Variants in CLASP1 observed in about 807,000 individuals in gnomAD.
CLASP1 encodes the protein CLIP-associating protein 1.
CLASP1 carries 38 observed loss-of-function variants against 192.3 expected under a neutral mutation model. The observed-to-expected ratio is 0.20, with a 90% confidence interval of 0.15 to 0.26. CLASP1 has a LOEUF of 0.26. Ranked by LOEUF, CLASP1 falls within the 10% of genes least tolerant of loss-of-function variation. CLASP1 has a pLI of 1.00. For synonymous variants in CLASP1, 691 were observed against 712.8 expected (o/e 0.97, Z 0.49); for missense variants, 1,433 against 1,932.5 (o/e 0.74, Z 4.85).
chr2:121,494,788 A>G (rs2093459774), intron 8 of CLASP1, among the ~76,000 whole-genome samples: 1 of 152,154 alleles, frequency 6.6e-6, no homozygotes, highest in Non-Finnish European at 1.5e-5. Flanking sequence ...TGGGAGGCCG[A>G]GGTGAGCGAA....
intron 6 of CLASP1, among the ~76,000 whole-genome samples, chr2:121,523,718 G>C (rs1217277603): frequency 1.3e-5 from 2 of 152,194 alleles, no homozygotes; most frequent in Admixed American, 6.5e-5. Flanking sequence ...AGGACAATGA[G>C]GCATTTCCTT....
In CLASP1 at chr2:121,386,082, A is replaced by C. The variant is rs1039940415; in HGVS notation, c.3374+1040T>G. On this transcript the variant is annotated intron_variant, in intron 32 of 39. Coordinates refer to ENST00000263710, the Ensembl canonical transcript of CLASP1. ...ACCAAGAGGAAAACACAAATTTCTT[A>C]TGTTCCAAAGTATTTAAAGGATATG... 2.0e-5 allele frequency among the ~76,000 whole-genome samples: 3 copies of C among 152,208 alleles called. No homozygotes were observed. In the East Asian group the frequency reaches 5.8e-4, roughly 29 times the overall value.
intron 30 of CLASP1, among the ~76,000 whole-genome samples, chr2:121,389,448 C>T (rs1381674525): frequency 6.7e-6 from 1 of 150,342 alleles, no homozygotes; most frequent in Non-Finnish European, 1.5e-5. Flanking sequence ...TGCAAAGTAA[C>T]CTGCATATTT....
intron 1 of CLASP1, among the ~76,000 whole-genome samples, chr2:121,644,612 G>A (rs2072795475): frequency 1.3e-5 from 2 of 152,122 alleles, no homozygotes; most frequent in African/African-American, 2.4e-5. Flanking sequence ...CTGACATCAC[G>A]CCACTGCACT....
intron 14 of CLASP1, 144 bp from the exon 15 acceptor site, chr2:121,451,993 G>T: frequency 1.5e-6 from 1 of 664,652 alleles, no homozygotes; most frequent in Non-Finnish European, 2.6e-6. Context: ...AGAACATAAA[G>T]AATGAATCAG....
chr2:121,430,805 G>C (rs896395920), intron 19 of CLASP1, among the ~76,000 whole-genome samples: 2 of 152,036 alleles, frequency 1.3e-5, no homozygotes, highest in Admixed American at 6.6e-5. Flanking sequence ...CAGCTAAAAA[G>C]AATCAGTATT....
chr2:121,595,888 A>T (rs1373293616), intron 2 of CLASP1, among the ~76,000 whole-genome samples: 1 of 152,248 alleles, frequency 6.6e-6, no homozygotes, highest in Non-Finnish European at 1.5e-5. Flanking sequence ...CACATGCTAC[A>T]TATTAAAAGC....
chr2:121,407,795 T>A, intron 24 of CLASP1, 80 bp from the exon 26 acceptor site: 1 of 1,502,192 alleles, frequency 6.7e-7, no homozygotes, highest in Non-Finnish European at 9.3e-7. Context: ...CCAAACAAAA[T>A]CTACAACAAA....
At chr2:121,478,802 ACACACACACCC>A (rs2092125796) in intron 8 of CLASP1, among the ~76,000 whole-genome samples, 1 of 19,598 alleles carries the variant, frequency 5.1e-5, no homozygotes, top group Non-Finnish European at 1.3e-4. Context: ...ACCACACACC[ACACACACACCC>A]CACACACAAC....
At chr2:121,393,971 C>A (rs1046866572) in intron 30 of CLASP1, among the ~76,000 whole-genome samples, 1 of 151,966 alleles carries the variant, frequency 6.6e-6, no homozygotes, top group Non-Finnish European at 1.5e-5. Flanking sequence ...AAAAAAGCGC[C>A]CTTCTAAAAT....
intron 23 of CLASP1, among the ~76,000 whole-genome samples, chr2:121,411,208 G>C (rs1330981289): frequency 6.6e-6 from 1 of 152,202 alleles, no homozygotes; most frequent in Admixed American, 6.5e-5. Flanking sequence ...TTATTGAAAA[G>C]TTTCTGATAT....
intron 30 of CLASP1, among the ~76,000 whole-genome samples, chr2:121,396,110 A>G (rs1169901842): frequency 2.0e-5 from 3 of 152,178 alleles, no homozygotes; most frequent in African/African-American, 7.2e-5. Context: ...TCAGAAATCT[A>G]TGTTGATTTT....
chr2:121,597,864 T>G (rs1409500264), intron 2 of CLASP1, among the ~76,000 whole-genome samples: 1 of 152,140 alleles, frequency 6.6e-6, no homozygotes, highest in Non-Finnish European at 1.5e-5. Context: ...CTGCGTAGCA[T>G]AAGTCCCCCC....
intron 1 of CLASP1, among the ~76,000 whole-genome samples, chr2:121,612,019 G>A (rs886801288): frequency 6.6e-5 from 10 of 150,864 alleles, no homozygotes; most frequent in African/African-American, 2.2e-4. Context: ...GGAGTTACAG[G>A]AGGAAGAGGA....
At chr2:121,445,327 A>G (rs984063058) in intron 19 of CLASP1, 10 of 457,868 alleles carry the variant, frequency 2.2e-5, no homozygotes, top group Non-Finnish European at 3.5e-5. Context: ...AGGAGGAACT[A>G]GAAGCTAAAA....
chr2:121,605,463 G>A lies in CLASP1; in HGVS notation c.195+238C>T, dbSNP rs76243583. Among the ~76,000 whole-genome samples the A allele has an allele frequency of 5.0e-3, 769 of 152,284 alleles. 8 individuals carry two copies. Among genetic ancestry groups the A allele is most frequent in the African/African-American group, 0.018 (743 of 41,546 alleles). ...CCAACAAAAAAGCCTCCCCTTATCTGTTCACTTGACCTTCTGTCAAAGTGC... is the reference window on the plus strand; with the variant it reads ...CCAACAAAAAAGCCTCCCCTTATCTATTCACTTGACCTTCTGTCAAAGTGC... On this transcript the variant is annotated intron_variant, in intron 2 of 39. Coordinates refer to ENST00000263710, the Ensembl canonical transcript of CLASP1.
chr2:121,379,327 A>G (rs1266899942), intron 33 of CLASP1, among the ~76,000 whole-genome samples: 3 of 152,324 alleles, frequency 2.0e-5, no homozygotes, highest in African/African-American at 7.2e-5. Context: ...GACAGGAGGT[A>G]GAATAAAAAA....
At chr2:121,425,400 C>T in intron 21 of CLASP1, 94 bp from the exon 22 acceptor site, 1 of 1,016,258 alleles carries the variant, frequency 9.8e-7, no homozygotes, top group Non-Finnish European at 1.4e-6. Flanking sequence ...ATTAATTTGG[C>T]TAAAATACAC....
At chr2:121,579,862 C>T (rs986778371) in intron 2 of CLASP1, among the ~76,000 whole-genome samples, 4 of 152,038 alleles carry the variant, frequency 2.6e-5, no homozygotes, top group Non-Finnish European at 5.9e-5. Context: ...GCAATTACCA[C>T]GAAAAAATAA....
Sources: gnomAD v4.1 joint callset for allele counts (sites outside exome capture counted in the v4.1 genomes callset) on GRCh38, gnomAD v4.1.1 for gene constraint, MANE v1.5 for transcripts, NCBI Gene and HGNC (gene_info 2026-07-23, HGNC 2026-07-21) for gene names.